Variants in DPY19L3 observed in about 807,000 individuals in gnomAD.
DPY19L3 encodes the protein dpy-19 like C-mannosyltransferase 3.
Under a neutral mutation model 92.3 loss-of-function variants are expected in DPY19L3, and 51 were observed. The ratio of observed to expected loss-of-function variants is 0.55; its 90% CI spans 0.44 to 0.70. DPY19L3 has a LOEUF of 0.70. Among genes scored for constraint, DPY19L3 ranks in the 30% least tolerant of loss-of-function variants. The pLI is 0.00. For synonymous variants in DPY19L3, 309 were observed against 315.2 expected, an observed-to-expected ratio of 0.98 and a Z score of 0.21; for missense variants, 706 against 855.9, an observed-to-expected ratio of 0.82 and a Z score of 2.18.
At chr19:32,431,109 G>T (rs1968950899) in intron 3 of DPY19L3, among the ~76,000 whole-genome samples, 2 of 152,210 alleles carry the variant, frequency 1.3e-5, no homozygotes, top group East Asian at 3.9e-4. Context: ...GCCGGGTGCA[G>T]TGGCTCACGC....
At chr19:32,413,776 A>G (rs1340214063) in intron 3 of DPY19L3, among the ~76,000 whole-genome samples, 1 of 152,086 alleles carries the variant, frequency 6.6e-6, no homozygotes. Flanking sequence ...GCTGGAGTGC[A>G]ATGGCACAAT....
intron 9 of DPY19L3, 128 bp from the exon 10 acceptor site, chr19:32,454,809 ATT>A (rs1969814814): frequency 1.7e-6 from 1 of 577,130 alleles, no homozygotes; most frequent in Non-Finnish European, 3.0e-6. Flanking sequence ...AGTAGGTTGT[ATT>A]TTCCACATAT....
intron 16 of DPY19L3, among the ~76,000 whole-genome samples, chr19:32,472,099 G>A (rs1246138298): frequency 1.3e-5 from 2 of 152,026 alleles, no homozygotes; most frequent in African/African-American, 4.8e-5. Context: ...TCTCACCCTC[G>A]ACTCCATTTT....
At chr19:32,476,257 A>G (rs994156515) in intron 16 of DPY19L3, among the ~76,000 whole-genome samples, 17 of 152,300 alleles carry the variant, frequency 1.1e-4, no homozygotes, top group Admixed American at 6.5e-4. Flanking sequence ...GCCCTGCTCC[A>G]AAACCATGGA....
At chr19:32,444,483 A>G (rs1163915878) in intron 8 of DPY19L3, among the ~76,000 whole-genome samples, 1 of 152,242 alleles carries the variant, frequency 6.6e-6, no homozygotes, top group Admixed American at 6.5e-5. Context: ...GAAAAGTCTA[A>G]CATTCAGGTA....
rs1555714173 is a variant in DPY19L3 at position 32,407,273 on chromosome 19, C to CCA, written c.-37-943_-37-942insAC. Among the ~76,000 whole-genome samples, 68 of 100,424 alleles carry CCA rather than the reference C, an allele frequency of 6.8e-4. 2 individuals carry two copies. The highest frequency in any genetic ancestry group is 1.5e-3 in the African/African-American group (39 of 25,750). 65.9% of individuals were successfully genotyped at this position (100,424 alleles called of 152,430 possible). A position where few individuals can be genotyped will look rare whatever the true frequency, so the allele number is the denominator to read the frequency against. Reference sequence around the variant, plus strand: ...CAAACCAGGCTCCTGCTCCCCCCCACCCATTACTCCCACCGACGCTCCCTG... The same window carrying CCA: ...CAAACCAGGCTCCTGCTCCCCCCCACCACCATTACTCCCACCGACGCTCCCTG... On this transcript the variant is annotated intron_variant, in intron 1 of 18. Coordinates refer to ENST00000392250, the MANE Select transcript of DPY19L3 (RefSeq NM_001172774.2).
chr19:32,413,315 AC>A (rs1968257796), intron 3 of DPY19L3: 1 of 152,232 alleles, frequency 6.6e-6, no homozygotes, highest in Non-Finnish European at 1.5e-5. Context: ...AAAGGATATT[AC>A]TTTGATGACA....
rs542734754 is a variant in DPY19L3 at position 32,455,147 on chromosome 19, A to T, written c.1089+107A>T. ...TTTTTTAATAAACTAATTGTTTTAG[A>T]GACAGGGTCTTGCCGTTTCCTAGGC... On this transcript the variant is annotated intron_variant, in intron 10 of 18. Transcript: ENST00000392250. 5 of 761,640 alleles carry T rather than the reference A, an allele frequency of 6.6e-6. No homozygotes were observed. The East Asian group carries it at 1.3e-4, about 20-fold the overall frequency. 47.2% of individuals were successfully genotyped at this position (761,640 alleles called of 1,614,324 possible).
chr19:32,483,929 C>G lies in DPY19L3; in HGVS notation c.*1689C>G, dbSNP rs1970736284. The stretch of plus-strand genomic sequence containing the variant: ...GCGAGTGCCTTACTCTAATTGAAAC[C>G]AAGCACACGTAAGGTACAATATGTT... On this transcript the variant is annotated 3_prime_UTR_variant, in exon 19 of 19. Coordinates refer to ENST00000392250, the MANE Select transcript of DPY19L3 (RefSeq NM_001172774.2). The G allele has an allele frequency of 1.3e-5, 2 of 152,572 alleles. No individual in the cohort carries two copies. The highest frequency in any genetic ancestry group is 6.5e-5 in the Admixed American group (1 of 15,286). 9.5% of individuals were successfully genotyped at this position (152,572 alleles called of 1,614,324 possible).
At chr19:32,415,274 G>A (rs1439926288) in intron 3 of DPY19L3, among the ~76,000 whole-genome samples, 1 of 152,168 alleles carries the variant, frequency 6.6e-6, no homozygotes, top group African/African-American at 2.4e-5. Flanking sequence ...TGGAAGATCA[G>A]GGAGGCTTTT....
rs779385296 is a variant in DPY19L3 at position 32,463,935 on chromosome 19, A to C, written c.1512A>C (p.Ile504=). The C allele has an allele frequency of 6.2e-7, 1 of 1,613,514 alleles. No individual in the cohort carries two copies. Among genetic ancestry groups the C allele is most frequent in the South Asian group, 1.1e-5 (1 of 91,014 alleles). ...CATTCGGCCTATGTAGCCCTGAAAT[A>C]TGGGAGTTACTTCTGAAGTCAGTCC... The part of the protein sequence containing the change: ...FASFGLCSPE[I]WELLLKSVHL... Residue 504 remains isoleucine (I), a synonymous_variant, in exon 14 of 19, where the codon ATA becomes ATC. Transcript: ENST00000392250.
intron 8 of DPY19L3, among the ~76,000 whole-genome samples, chr19:32,450,283 G>A (rs1233026544): frequency 6.6e-6 from 1 of 152,070 alleles, no homozygotes; most frequent in African/African-American, 2.4e-5. Context: ...GATGATGATG[G>A]GATTATAAGA....
intron 17 of DPY19L3, among the ~76,000 whole-genome samples, chr19:32,478,626 G>A (rs1251053992): frequency 1.3e-5 from 2 of 152,136 alleles, no homozygotes. Flanking sequence ...CGGGGAGGGT[G>A]GTGCCCCTTT....
intron 3 of DPY19L3, among the ~76,000 whole-genome samples, chr19:32,432,125 T>G (rs921842755): frequency 2.0e-5 from 3 of 152,182 alleles, no homozygotes; most frequent in Non-Finnish European, 4.4e-5. Flanking sequence ...TAGTAATAAT[T>G]TAAATTTAAT....
chr19:32,472,334 C>T (rs1030016687), intron 16 of DPY19L3, among the ~76,000 whole-genome samples: 16 of 152,072 alleles, frequency 1.1e-4, no homozygotes, highest in African/African-American at 3.4e-4. Flanking sequence ...GCTGCGGTAG[C>T]CCCAGCCGCC....
intron 3 of DPY19L3, among the ~76,000 whole-genome samples, chr19:32,428,690 G>T (rs1163728064): frequency 6.6e-6 from 1 of 152,180 alleles, no homozygotes; most frequent in African/African-American, 2.4e-5. Flanking sequence ...CTAGCCTTTT[G>T]GGCATTGCCA....
chr19:32,477,522 C>A lies in DPY19L3; in HGVS notation c.1698C>A (p.Asn566Lys), dbSNP rs755967182. The change falls in exon 17 of 19, where the codon AAC becomes AAA. Residue 566 changes from asparagine to lysine, a missense_variant and splice_region_variant. Asn to Lys is a moderately conservative substitution (Grantham distance 94). Coordinates refer to ENST00000392250, the MANE Select transcript of DPY19L3 (RefSeq NM_001172774.2). ...PDTVELMNWI[N>K]SNTPRKAVFA... is the part of the protein sequence containing the mutation. Reference sequence around the variant, plus strand: ...TAATTCAGACTCTAAAATCTTTCAGCTCTAACACTCCAAGAAAGGCTGTGT... The same window carrying A: ...TAATTCAGACTCTAAAATCTTTCAGATCTAACACTCCAAGAAAGGCTGTGT... 1 of 1,614,062 alleles carries A rather than the reference C, an allele frequency of 6.2e-7. No homozygotes were observed. The highest frequency in any genetic ancestry group is 8.5e-7 in the Non-Finnish European group (1 of 1,180,006).
intron 8 of DPY19L3, among the ~76,000 whole-genome samples, chr19:32,441,750 G>A (rs1333597345): frequency 6.6e-6 from 1 of 152,114 alleles, no homozygotes; most frequent in Non-Finnish European, 1.5e-5. Flanking sequence ...CACCTGCCTT[G>A]GCCTCCCAAA....
chr19:32,436,369 C>A, intron 4 of DPY19L3, 77 bp from the exon 5 acceptor site: 1 of 1,148,276 alleles, frequency 8.7e-7, no homozygotes, highest in Non-Finnish European at 1.2e-6. Context: ...ACTTACTAAA[C>A]AATCTGTGCA....
Sources: gnomAD v4.1 joint callset for allele counts (sites outside exome capture counted in the v4.1 genomes callset) on GRCh38, gnomAD v4.1.1 for gene constraint, MANE v1.5 for transcripts, NCBI Gene and HGNC (gene_info 2026-07-23, HGNC 2026-07-21) for gene names.